TRIM33: variants seen among roughly 807,000 people sequenced by gnomAD.
TRIM33 encodes tripartite motif containing 33.
A neutral mutation model predicts 125.4 loss-of-function variants in TRIM33; 20 were observed. The ratio of observed to expected loss-of-function variants is 0.16; its 90% CI spans 0.11 to 0.23. The LOEUF (loss-of-function observed/expected upper bound fraction) is 0.23. TRIM33 is among the 10% of genes least tolerant of loss of function. The pLI is 1.00. For synonymous variants in TRIM33, 564 were observed against 513.9 expected, an observed-to-expected ratio of 1.10 and a Z score of -1.32; for missense variants, 920 against 1,411.4, an observed-to-expected ratio of 0.65 and a Z score of 5.58.
chr1:114,503,108 G>A (rs928645927), intron 1 of TRIM33, among the ~76,000 whole-genome samples: 2 of 152,160 alleles, frequency 1.3e-5, no homozygotes, highest in African/African-American at 2.4e-5. Context: ...AACTTAAGAA[G>A]AATATTTATT....
Position 114,424,688 on chromosome 1 carries a change from T to C in TRIM33, c.1763A>G (p.His588Arg), listed in dbSNP as rs115223870. Reference sequence around the variant, plus strand: ...AGCATTCTGAGCCAGTCTCATCTGATGGGCTTGAAAAGCTCCACAGTTCAT... The same window carrying C: ...AGCATTCTGAGCCAGTCTCATCTGACGGGCTTGAAAAGCTCCACAGTTCAT... ...GNMNCGAFQA[H>R]QMRLAQNAAR... Residue 588 changes from histidine to arginine, a missense_variant, in exon 10 of 20, where the codon CAT (histidine) becomes CGT (arginine). Physicochemically the swap from His to Arg is conservative, Grantham distance 29. Coordinates refer to ENST00000358465, the MANE Select transcript of TRIM33 (RefSeq NM_015906.4). The C allele has an allele frequency of 6.2e-7, 1 of 1,611,814 alleles. No individual in the cohort carries two copies. Among genetic ancestry groups the C allele is most frequent in the African/African-American group, 1.3e-5 (1 of 75,010 alleles).
At position 114,495,649 on chromosome 1, in the gene TRIM33, T is replaced by C. The variant is rs543988308; in HGVS notation, c.526+14902A>G. Among the ~76,000 whole-genome samples, 5 of 152,314 alleles carry C rather than the reference T, an allele frequency of 3.3e-5. No individual in the cohort carries two copies. In the South Asian group the frequency reaches 1.0e-3, roughly 32 times the overall value. ...CCTGCCATTATTAATTCAGATAATC[T>C]ACTTTGAAAGCATTCAACATAAATT... On this transcript the variant is annotated intron_variant, in intron 1 of 19. Coordinates refer to ENST00000358465, the MANE Select transcript of TRIM33 (RefSeq NM_015906.4).
chr1:114,422,442 G>A (rs185907433), intron 10 of TRIM33, among the ~76,000 whole-genome samples: 4 of 152,116 alleles, frequency 2.6e-5, no homozygotes, highest in African/African-American at 9.6e-5. Flanking sequence ...TGTGAAAAGT[G>A]TGAAGGAAAT....
chr1:114,420,454 G>A lies in TRIM33; in HGVS notation c.2061+982C>T, dbSNP rs114343739. ...TGCATCATCGGAACAACGTTTGCCT[G>A]TGGCAGGTGTAGAAAGGGAGTAACT... On this transcript the variant is annotated intron_variant, in intron 11 of 19. Coordinates refer to ENST00000358465, the MANE Select transcript of TRIM33 (RefSeq NM_015906.4). 2,002 of 1,331,806 alleles carry A rather than the reference G, an allele frequency of 1.5e-3. 24 individuals carry two copies. The African/African-American group carries it at 0.027, about 18-fold the overall frequency. 82.5% of individuals were successfully genotyped at this position (1,331,806 alleles called of 1,614,324 possible). A position where few individuals can be genotyped will look rare whatever the true frequency, so the allele number is the denominator to read the frequency against.
intron 1 of TRIM33, among the ~76,000 whole-genome samples, chr1:114,480,749 T>TA (rs1367437387): frequency 2.0e-5 from 3 of 151,972 alleles, no homozygotes; most frequent in Admixed American, 6.6e-5. Flanking sequence ...TCAAACTGGA[T>TA]AAAAAGTAAA....
chr1:114,511,093 C>A lies in TRIM33; in HGVS notation c.-17G>T. The A allele has an allele frequency of 1.7e-6, 2 of 1,184,106 alleles. No individual in the cohort carries two copies. Among genetic ancestry groups the A allele is most frequent in the Non-Finnish European group, 2.1e-6 (2 of 959,940 alleles). The allele number at this position is 1,184,106 out of a possible 1,614,324, so 73.3% of individuals were successfully genotyped here. On this transcript the variant is annotated 5_prime_UTR_variant, in exon 1 of 20. Transcript: ENST00000358465. ...TTCCGCCATGTTTTCCTCTTTGAAC[C>A]CGCCGGACCGCCCCGCGCCGCCCGC... is the stretch of plus-strand genomic sequence containing the variant.
rs542560657 is a variant in TRIM33 at position 114,403,960 on chromosome 1, G to A, written c.2769-1077C>T. Among the ~76,000 whole-genome samples the A allele has an allele frequency of 2.6e-5, 4 of 152,010 alleles. No individual in the cohort carries two copies. In the South Asian group the frequency reaches 6.2e-4, roughly 24 times the overall value. On this transcript the variant is annotated intron_variant, in intron 15 of 19. Transcript: ENST00000358465. ...ATTACAGGTGTAAGCCACTATGCCC[G>A]GCTACCTCCTATCTTTTAACCCTGC...
intron 4 of TRIM33, among the ~76,000 whole-genome samples, chr1:114,435,776 G>C (rs1279394202): frequency 6.6e-6 from 1 of 150,980 alleles, no homozygotes; most frequent in Non-Finnish European, 1.5e-5. Context: ...ACCCAAGCTG[G>C]AATGCACTGG....
At chr1:114,482,599 G>C (rs2101493420) in intron 1 of TRIM33, among the ~76,000 whole-genome samples, 1 of 152,298 alleles carries the variant, frequency 6.6e-6, no homozygotes, top group East Asian at 1.9e-4. Flanking sequence ...TTACTGATAT[G>C]GTTTGGATTT....
chr1:114,415,543 A>G (rs1189892325), intron 11 of TRIM33, among the ~76,000 whole-genome samples: 1 of 151,590 alleles, frequency 6.6e-6, no homozygotes, highest in African/African-American at 2.4e-5. Flanking sequence ...TCTCATATAA[A>G]GTTTATTCTC....
rs1647682345 is a variant in TRIM33, at chr1:114,427,738, T to C, written c.1302+10A>G. Reference sequence around the variant, plus strand: ...CCATTAAAGAAAAATAAAAACAGTATGTGTCTCACCAGTCGCTTGCTGTAT... The same window carrying C: ...CCATTAAAGAAAAATAAAAACAGTACGTGTCTCACCAGTCGCTTGCTGTAT... On this transcript the variant is annotated intron_variant, in intron 7 of 19. Coordinates refer to ENST00000358465, the MANE Select transcript of TRIM33 (RefSeq NM_015906.4). 6.2e-7 allele frequency: 1 copy of C among 1,610,386 alleles called. No individual in the cohort carries two copies.
chr1:114,407,222 A>G, intron 13 of TRIM33, 122 bp from the exon 14 acceptor site: 1 of 803,006 alleles, frequency 1.2e-6, no homozygotes, highest in South Asian at 1.9e-5. Flanking sequence ...TACAGAAGAT[A>G]AGGATACCTC....
chr1:114,411,565 C>T (rs1652590794), intron 11 of TRIM33, among the ~76,000 whole-genome samples: 1 of 152,004 alleles, frequency 6.6e-6, no homozygotes, highest in Non-Finnish European at 1.5e-5. Context: ...GGGGATGCAT[C>T]CCACCTAAAA....
chr1:114,443,974 AAAG>A (rs1223080052), intron 4 of TRIM33, among the ~76,000 whole-genome samples: 1 of 152,216 alleles, frequency 6.6e-6, no homozygotes, highest in Non-Finnish European at 1.5e-5. Context: ...AAAAACTATA[AAAG>A]AAGACAGAAA....
intron 11 of TRIM33, among the ~76,000 whole-genome samples, chr1:114,419,200 C>CAAAAAAAAAAA (rs35757503): frequency 1.7e-4 from 9 of 54,222 alleles, no homozygotes; most frequent in South Asian, 6.2e-4. Flanking sequence ...GACACCATCT[C>CAAAAAAAAAAA]AAAAAAAAAA....
At chr1:114,485,986 C>A (rs1401354269) in intron 1 of TRIM33, among the ~76,000 whole-genome samples, 1 of 152,104 alleles carries the variant, frequency 6.6e-6, no homozygotes, top group Non-Finnish European at 1.5e-5. Context: ...CTTCAAAAAG[C>A]AATATAAGCC....
At position 114,407,004 on chromosome 1, in the gene TRIM33, T is replaced by C. The variant is rs1200529189; in HGVS notation, c.2355A>G (p.Ile785Met). The change falls in exon 14 of 20, where the codon ATA becomes ATG. Residue 785 changes from isoleucine to methionine, a missense_variant. By Grantham distance (10) the Ile-to-Met change is conservative. This residue lies in a region of TRIM33 where 407 missense variants were observed against 589.7 expected (regional missense o/e 0.69). Coordinates refer to ENST00000358465, the MANE Select transcript of TRIM33 (RefSeq NM_015906.4). Reference sequence around the variant, plus strand: ...GTTTTACACCTCCTGAAAAGCTACATATTTCATCTTCAGTCCCAGGTTCTT... The same window carrying C: ...GTTTTACACCTCCTGAAAAGCTACACATTTCATCTTCAGTCCCAGGTTCTT... Reference protein sequence around the residue: ...VKQEPGTEDEICSFSGGVKQE... With the variant: ...VKQEPGTEDEMCSFSGGVKQE... 5 of 1,614,066 alleles carry C rather than the reference T, an allele frequency of 3.1e-6. No homozygotes were observed. In the South Asian group the frequency reaches 4.4e-5, roughly 14 times the overall value.
rs1651582123 is a variant in TRIM33 at position 114,397,202 on chromosome 1, T to C, written c.*446A>G. 1 of 234,988 alleles carries C rather than the reference T, an allele frequency of 4.3e-6. No individual in the cohort carries two copies. Among genetic ancestry groups the C allele is most frequent in the African/African-American group, 2.2e-5 (1 of 44,968 alleles). The allele number at this position is 234,988 out of a possible 1,614,324, so 14.6% of individuals were successfully genotyped here. ...TTTTTAACTAGAAAACAACCTGATA[T>C]GTATGTGTGTGAAGGGGGAGGGTTA... On this transcript the variant is annotated 3_prime_UTR_variant, in exon 20 of 20. Transcript: ENST00000358465.
intron 6 of TRIM33, among the ~76,000 whole-genome samples, chr1:114,429,942 T>C (rs968129141): frequency 6.6e-6 from 1 of 152,182 alleles, no homozygotes; most frequent in Non-Finnish European, 1.5e-5. Flanking sequence ...ATGAACTGAC[T>C]AGATTTTCAT....
Sources: gnomAD v4.1 joint callset for allele counts (sites outside exome capture counted in the v4.1 genomes callset) on GRCh38, gnomAD v4.1.1 for gene constraint, gnomAD v4.1.1 regional missense constraint, MANE v1.5 for transcripts, NCBI Gene and HGNC (gene_info 2026-07-23, HGNC 2026-07-21) for gene names.